Variants in SERPINF1 observed in about 807,000 individuals in gnomAD.
The protein encoded by SERPINF1 is serpin family F member 1.
In SERPINF1, 29 loss-of-function variants were observed where a neutral mutation model predicts 37.3. The ratio of observed to expected loss-of-function variants is 0.78; its 90% CI spans 0.58 to 1.06. SERPINF1 has a LOEUF of 1.06. SERPINF1 is among the 50% of genes least tolerant of loss of function. SERPINF1 has a pLI of 0.00. For synonymous variants in SERPINF1, 281 were observed against 227.9 expected, an observed-to-expected ratio of 1.23 and a Z score of -2.10; for missense variants, 553 against 532.2, an observed-to-expected ratio of 1.04 and a Z score of -0.38.
At chr17:1,773,411 A>G (rs1418990125) in intron 5 of SERPINF1, among the ~76,000 whole-genome samples, 2 of 152,070 alleles carry the variant, frequency 1.3e-5, no homozygotes, top group Admixed American at 6.6e-5. Context: ...ACACCCAGCT[A>G]ATTTTTGTAT....
In SERPINF1 at chr17:1,777,164, G is replaced by A. The variant is rs1908088486; in HGVS notation, c.998-23G>A. The A allele has an allele frequency of 1.9e-6, 3 of 1,613,922 alleles. No individual in the cohort carries two copies. The South Asian group carries it at 3.3e-5, about 18-fold the overall frequency. ...TGTTGGGGAAGGCAGGGTTTTAACGGAAATCTCTCTCCATCTCTACAGAGC... is the reference window on the plus strand; with the variant it reads ...TGTTGGGGAAGGCAGGGTTTTAACGAAAATCTCTCTCCATCTCTACAGAGC... On this transcript the variant is annotated intron_variant, in intron 7 of 7. Coordinates refer to ENST00000254722, the MANE Select transcript of SERPINF1 (RefSeq NM_002615.7).
Position 1,771,112 on chromosome 17 carries a change from A to G in SERPINF1, c.367A>G (p.Lys123Glu), listed in dbSNP as rs1278608405. Residue 123 changes from lysine to glutamate, a missense_variant, in exon 4 of 8, where the codon AAG becomes GAG. By Grantham distance (56) the Lys-to-Glu change is moderately conservative. Transcript: ENST00000254722. ...CAGCCCAGACATCCATGGTACCTATAAGGAGCTCCTTGACACGGTCACTGC... is the reference window on the plus strand; with the variant it reads ...CAGCCCAGACATCCATGGTACCTATGAGGAGCTCCTTGACACGGTCACTGC... ...ISSPDIHGTYKELLDTVTAPQ... is the reference protein window; with the variant it reads ...ISSPDIHGTYEELLDTVTAPQ... The G allele has an allele frequency of 6.2e-7, 1 of 1,613,970 alleles. No individual in the cohort carries two copies. Among genetic ancestry groups the G allele is most frequent in the South Asian group, 1.1e-5 (1 of 91,082 alleles).
At chr17:1,768,954 C>T (rs544428475) in intron 2 of SERPINF1, among the ~76,000 whole-genome samples, 5 of 151,924 alleles carry the variant, frequency 3.3e-5, no homozygotes, top group African/African-American at 1.2e-4. Flanking sequence ...TACAGGCATG[C>T]ACCACCATGC....
In SERPINF1 at chr17:1,777,538, G is replaced by A. The variant is rs551527709; in HGVS notation, c.*92G>A. The stretch of plus-strand genomic sequence containing the variant: ...AAGGCTGCCCCTGTAAGGTTTCAAT[G>A]CATACAATAAAAGAGCTTTATCCCT... On this transcript the variant is annotated 3_prime_UTR_variant, in exon 8 of 8. Coordinates refer to ENST00000254722, the MANE Select transcript of SERPINF1 (RefSeq NM_002615.7). The A allele has an allele frequency of 3.8e-5, 57 of 1,499,768 alleles. No homozygotes were observed. In the East Asian group the frequency reaches 1.2e-3, roughly 31 times the overall value. 92.9% of individuals were successfully genotyped at this position (1,499,768 alleles called of 1,614,324 possible).
intron 6 of SERPINF1, among the ~76,000 whole-genome samples, chr17:1,775,606 G>A (rs1400104242): frequency 1.3e-5 from 2 of 150,122 alleles, no homozygotes; most frequent in Non-Finnish European, 2.9e-5. Context: ...GCAGTGGCAC[G>A]ATCTCGGCTC....
Position 1,766,937 on chromosome 17 carries a change from C to T in SERPINF1, c.27C>T (p.Cys9=). 3 of 1,565,428 alleles carry T rather than the reference C, an allele frequency of 1.9e-6. No homozygotes were observed. Among genetic ancestry groups the T allele is most frequent in the South Asian group, 1.2e-5 (1 of 84,920 alleles). The part of the protein sequence containing the change: MQALVLLL[C]IGALLGHSSC... ...TGCAGGCCCTGGTGCTACTCCTCTG[C>T]ATTGGAGCCCTCCTCGGGCACAGCA... Residue 9 remains cysteine, a synonymous_variant, in exon 2 of 8, where the codon TGC becomes TGT. Coordinates refer to ENST00000254722, the MANE Select transcript of SERPINF1 (RefSeq NM_002615.7).
chr17:1,774,317 T>C (rs1049056056), intron 5 of SERPINF1, among the ~76,000 whole-genome samples: 1 of 152,204 alleles, frequency 6.6e-6, no homozygotes, highest in African/African-American at 2.4e-5. Flanking sequence ...TGTCTCTGCC[T>C]CCCGAGTAGC....
Position 1,771,154 on chromosome 17 carries a change from A to G in SERPINF1, c.409A>G (p.Lys137Glu), listed in dbSNP as rs142705862. ...GGTCACTGCCCCCCAGAAGAACCTC[A>G]AGAGTGCCTCCCGGATCGTCTTTGA... ...DTVTAPQKNLKSASRIVFEKK... is the reference protein window; with the variant it reads ...DTVTAPQKNLESASRIVFEKK... Residue 137 changes from lysine (K) to glutamate (E), a missense_variant, in exon 4 of 8, where the codon AAG becomes GAG. Coordinates refer to ENST00000254722, the MANE Select transcript of SERPINF1 (RefSeq NM_002615.7). 6.8e-6 allele frequency: 11 copies of G among 1,613,904 alleles called. No homozygotes were observed. The African/African-American group carries it at 1.5e-4, about 22-fold the overall frequency.
intron 5 of SERPINF1, among the ~76,000 whole-genome samples, chr17:1,774,524 G>GT (rs1378523298): frequency 6.6e-6 from 1 of 152,088 alleles, no homozygotes; most frequent in Non-Finnish European, 1.5e-5. Flanking sequence ...TAGAGACGGG[G>GT]TTTTGCCATG....
chr17:1,770,461 TTTTTTTTTTTCTTTC>T, intron 3 of SERPINF1: 1 of 213,364 alleles, frequency 4.7e-6, no homozygotes, highest in South Asian at 7.6e-5. Flanking sequence ...TCTTTTTTTT[TTTTTTTTTTTCTTTC>T]TGAGACGGAG....
chr17:1,771,693 T>C (rs1362648021), intron 4 of SERPINF1, 179 bp from the exon 5 acceptor site: 1 of 671,208 alleles, frequency 1.5e-6, no homozygotes, highest in East Asian at 2.8e-5. Flanking sequence ...GGAAATCTGC[T>C]GCCCCCCTGG....
At chr17:1,774,951 C>T (rs1211587411) in intron 5 of SERPINF1, 107 bp from the exon 6 acceptor site, 1 of 1,416,380 alleles carries the variant, frequency 7.1e-7, no homozygotes, top group Non-Finnish European at 9.9e-7. Context: ...GACAGCTAAG[C>T]TCCCTTGAGT....
chr17:1,765,794 C>G (rs1907334683), intron 1 of SERPINF1, among the ~76,000 whole-genome samples: 1 of 149,128 alleles, frequency 6.7e-6, no homozygotes, highest in Non-Finnish European at 1.5e-5. Flanking sequence ...GAGTTCCAGG[C>G]TGTGGAGTGC....
At chr17:1,770,999 T>C in intron 3 of SERPINF1, 30 bp from the exon 4 acceptor site, 1 of 1,613,634 alleles carries the variant, frequency 6.2e-7, no homozygotes, top group Non-Finnish European at 8.5e-7. Flanking sequence ...GGTGTGCAGT[T>C]ATCAACGTCC....
At chr17:1,766,029 T>C (rs1907346558) in intron 1 of SERPINF1, among the ~76,000 whole-genome samples, 1 of 152,136 alleles carries the variant, frequency 6.6e-6, no homozygotes, top group Non-Finnish European at 1.5e-5. Flanking sequence ...GCTTGAGAAT[T>C]TGGAGGGACA....
rs528197399 is a variant in SERPINF1, at chr17:1,773,545, C to T, written c.643+1470C>T. Among the ~76,000 whole-genome samples, 17 of 152,338 alleles carry T rather than the reference C, an allele frequency of 1.1e-4. No individual in the cohort carries two copies. The South Asian group carries it at 3.5e-3, about 32-fold the overall frequency. On this transcript the variant is annotated intron_variant, in intron 5 of 7. Transcript: ENST00000254722. ...TTACAGGCGTGAGCCACTGCGCTGG[C>T]CAAATCAGACAAGGTTTAAATCCCA...
intron 1 of SERPINF1, among the ~76,000 whole-genome samples, chr17:1,763,293 T>C (rs1036098143): frequency 2.0e-5 from 3 of 152,214 alleles, no homozygotes; most frequent in African/African-American, 7.2e-5. Context: ...CTGAAACACA[T>C]GTATTGGCTT....
Position 1,776,538 on chromosome 17 carries a change from C to T in SERPINF1, c.793C>T (p.Gln265Ter). 1 of 1,614,034 alleles carries T rather than the reference C, an allele frequency of 6.2e-7. No individual in the cohort carries two copies. The highest frequency in any genetic ancestry group is 1.1e-5 in the South Asian group (1 of 91,068). The change falls in exon 7 of 8, where the codon CAG (glutamine) becomes TAG (stop). Residue 265 changes from glutamine to a stop codon, truncating the protein, a stop_gained. Coordinates refer to ENST00000254722, the MANE Select transcript of SERPINF1 (RefSeq NM_002615.7). LOFTEE classifies it high-confidence loss of function. ...GCTTTCTCACTTGTCTCAGATTGCC[C>T]AGCTGCCCTTGACCGGAAGCATGAG... ...LDSDLSCKIA[Q>*]LPLTGSMSII...
intron 2 of SERPINF1, 114 bp downstream of exon 2, chr17:1,767,108 T>G: frequency 1.2e-6 from 1 of 865,512 alleles, no homozygotes; most frequent in South Asian, 1.7e-5. Flanking sequence ...CTTGGGCCTT[T>G]ATTTCTCTAG....
Sources: gnomAD v4.1 joint callset for allele counts (sites outside exome capture counted in the v4.1 genomes callset) on GRCh38, gnomAD v4.1.1 for gene constraint, MANE v1.5 for transcripts, NCBI Gene and HGNC (gene_info 2026-07-23, HGNC 2026-07-21) for gene names.